TNR: variants seen among roughly 807,000 people sequenced by gnomAD.
The protein encoded by TNR is tenascin R.
Under a neutral mutation model 150.4 loss-of-function variants are expected in TNR, and 45 were observed. That is an observed-to-expected ratio of 0.30 (90% CI 0.24 to 0.38). TNR has a LOEUF of 0.38. Among genes scored for constraint, TNR ranks in the 10% least tolerant of loss-of-function variants. TNR has a pLI of 1.00. For synonymous variants in TNR, 687 were observed against 678.4 expected (o/e 1.01, Z -0.20); for missense variants, 1,544 against 1,759.1 (o/e 0.88, Z 2.19).
At chr1:175,641,012 T>C (rs1664641240) in intron 1 of TNR, among the ~76,000 whole-genome samples, 1 of 152,178 alleles carries the variant, frequency 6.6e-6, no homozygotes, top group Non-Finnish European at 1.5e-5. Context: ...ACATTATACA[T>C]ACTCTCACTT....
At chr1:175,419,260 A>G (rs1189974237) in intron 2 of TNR, among the ~76,000 whole-genome samples, 1 of 152,210 alleles carries the variant, frequency 6.6e-6, no homozygotes, top group African/African-American at 2.4e-5. Flanking sequence ...TTTAGGATAT[A>G]TATTGTAAAA....
intron 18 of TNR, among the ~76,000 whole-genome samples, chr1:175,347,679 C>T (rs1464898292): frequency 6.6e-6 from 1 of 152,004 alleles, no homozygotes. Context: ...CCGCCTGCTT[C>T]CAAAGTGCTG....
intron 2 of TNR, among the ~76,000 whole-genome samples, chr1:175,440,291 C>T (rs567387725): frequency 1.3e-5 from 2 of 150,646 alleles, no homozygotes; most frequent in Non-Finnish European, 1.5e-5. Context: ...AACCAAACAC[C>T]GCATGTTTTC....
chr1:175,562,385 C>T (rs1024434406), intron 1 of TNR, among the ~76,000 whole-genome samples: 1 of 152,162 alleles, frequency 6.6e-6, no homozygotes, highest in Non-Finnish European at 1.5e-5. Flanking sequence ...TTCCTAAGTG[C>T]TAAACAGATT....
intron 2 of TNR, among the ~76,000 whole-genome samples, chr1:175,505,731 T>G (rs1056892546): frequency 6.6e-6 from 1 of 152,224 alleles, no homozygotes; most frequent in Non-Finnish European, 1.5e-5. Flanking sequence ...AGGATTGTTA[T>G]GAAGAACATA....
At chr1:175,513,271 T>C (rs940685127) in intron 2 of TNR, among the ~76,000 whole-genome samples, 3 of 152,198 alleles carry the variant, frequency 2.0e-5, no homozygotes, top group Admixed American at 6.5e-5. Context: ...TGATGTTTCC[T>C]CCCATATGGA....
chr1:175,417,016 A>AAAGAAAGAAAGAAAGAAAGAAAGAAAG (rs1654502612), intron 2 of TNR, among the ~76,000 whole-genome samples: 1 of 85,568 alleles, frequency 1.2e-5, no homozygotes, highest in African/African-American at 4.3e-5. Flanking sequence ...TCAAAAAAAG[A>AAAGAAAGAAAGAAAGAAAGAAAGAAAG]AAGAAAGAAA....
intron 1 of TNR, among the ~76,000 whole-genome samples, chr1:175,601,024 C>T (rs886067460): frequency 1.3e-5 from 2 of 152,204 alleles, no homozygotes; most frequent in African/African-American, 4.8e-5. Context: ...GATCAAATCA[C>T]TTTGCTTATA....
intron 2 of TNR, among the ~76,000 whole-genome samples, chr1:175,420,126 G>T (rs1420785677): frequency 6.6e-6 from 1 of 152,158 alleles, no homozygotes; most frequent in Non-Finnish European, 1.5e-5. Context: ...TCTATTTCCA[G>T]GTTTTGGTAG....
At chr1:175,731,058 A>T (rs1247703295) in intron 1 of TNR, among the ~76,000 whole-genome samples, 1 of 152,208 alleles carries the variant, frequency 6.6e-6, no homozygotes, top group African/African-American at 2.4e-5. Flanking sequence ...TATTGTAGTA[A>T]TAAGAGGACC....
intron 20 of TNR, among the ~76,000 whole-genome samples, chr1:175,332,492 T>C (rs1649992553): frequency 6.6e-6 from 1 of 152,206 alleles, no homozygotes; most frequent in Non-Finnish European, 1.5e-5. Context: ...GTCACAGTGT[T>C]ATCCCCAACT....
intron 1 of TNR, among the ~76,000 whole-genome samples, chr1:175,531,555 C>G (rs367789140): frequency 3.9e-5 from 6 of 151,948 alleles, no homozygotes; most frequent in Admixed American, 1.3e-4. Flanking sequence ...TCAGAGGGAC[C>G]CGAGGGAGAG....
chr1:175,373,103 C>T (rs1652179564), intron 9 of TNR, among the ~76,000 whole-genome samples: 1 of 151,884 alleles, frequency 6.6e-6, no homozygotes, highest in Non-Finnish European at 1.5e-5. Context: ...GTGGCAGTAG[C>T]GGTGGTGGTG....
intron 2 of TNR, among the ~76,000 whole-genome samples, chr1:175,413,291 G>A (rs1557917694): frequency 6.6e-6 from 1 of 152,230 alleles, no homozygotes; most frequent in Non-Finnish European, 1.5e-5. Flanking sequence ...CTCCCAAAGT[G>A]TTGGGATTAC....
At chr1:175,466,369 C>T (rs1296547129) in intron 2 of TNR, among the ~76,000 whole-genome samples, 1 of 152,200 alleles carries the variant, frequency 6.6e-6, no homozygotes, top group African/African-American at 2.4e-5. Flanking sequence ...CCTTGTTCCC[C>T]AGTTCTAGAT....
chr1:175,608,251 G>A (rs376646955), intron 1 of TNR, among the ~76,000 whole-genome samples: 8 of 152,108 alleles, frequency 5.3e-5, no homozygotes, highest in Non-Finnish European at 8.8e-5. Flanking sequence ...AATGGGAAAG[G>A]GATACATAGC....
At chr1:175,603,990 C>T (rs895884209) in intron 1 of TNR, among the ~76,000 whole-genome samples, 1 of 152,130 alleles carries the variant, frequency 6.6e-6, no homozygotes, top group Admixed American at 6.5e-5. Context: ...ATTTTTAACC[C>T]TTGCTGTGGG....
At chr1:175,360,005 T>C (rs1651520298) in intron 14 of TNR, among the ~76,000 whole-genome samples, 1 of 152,226 alleles carries the variant, frequency 6.6e-6, no homozygotes, top group South Asian at 2.1e-4. Flanking sequence ...CAGAATACTG[T>C]GCCAGATACT....
intron 18 of TNR, among the ~76,000 whole-genome samples, chr1:175,350,847 G>C (rs1651018545): frequency 6.6e-6 from 1 of 152,118 alleles, no homozygotes; most frequent in Non-Finnish European, 1.5e-5. Flanking sequence ...ACAAGGTGAG[G>C]GTTTATCCGT....
Sources: allele counts gnomAD v4.1 joint callset (sites outside exome capture counted in the v4.1 genomes callset), GRCh38; gene constraint gnomAD v4.1.1; transcripts MANE v1.5; gene names NCBI Gene and HGNC (gene_info 2026-07-23, HGNC 2026-07-21).